ZBTB20: variants seen among roughly 807,000 people sequenced by gnomAD.
ZBTB20 encodes the protein zinc finger and BTB domain-containing protein 20.
Under a neutral mutation model 56.9 loss-of-function variants are expected in ZBTB20, and 9 were observed. The ratio of observed to expected loss-of-function variants is 0.16; its 90% CI spans 0.10 to 0.28. The LOEUF (loss-of-function observed/expected upper bound fraction) is 0.28. Ranked by LOEUF, ZBTB20 falls within the 10% of genes least tolerant of loss-of-function variation. The probability of loss-of-function intolerance (pLI) is 1.00; values close to 1 mark genes in which losing one functional copy is unlikely to be tolerated. For synonymous variants in ZBTB20, 417 were observed against 420.7 expected (o/e 0.99, Z 0.11); for missense variants, 655 against 1,003.0 (o/e 0.65, Z 4.69).
intron 6 of ZBTB20, among the ~76,000 whole-genome samples, chr3:114,583,284 A>C (rs2054841286): frequency 6.6e-6 from 1 of 152,238 alleles, no homozygotes. Context: ...AAACAGAGAA[A>C]TGAAACAAAA....
intron 5 of ZBTB20, among the ~76,000 whole-genome samples, chr3:114,715,845 C>T (rs1310489642): frequency 6.6e-6 from 1 of 152,122 alleles, no homozygotes; most frequent in African/African-American, 2.4e-5. Flanking sequence ...GAAACAAATG[C>T]TAAACAAAGC....
intron 6 of ZBTB20, among the ~76,000 whole-genome samples, chr3:114,592,412 G>A (rs757596188): frequency 1.8e-4 from 28 of 152,254 alleles, no homozygotes; most frequent in Non-Finnish European, 3.2e-4. Context: ...AGGATATTTC[G>A]TGGAATAAAA....
At position 114,983,967 on chromosome 3, in the gene ZBTB20, T is replaced by C. The variant is rs533566319; in HGVS notation, c.-506-9551A>G. On this transcript the variant is annotated intron_variant, in intron 2 of 11. Coordinates refer to ENST00000675478, the MANE Select transcript of ZBTB20 (RefSeq NM_001348800.3). ...GAAACGATTTCCTTTGCTATATTAT[T>C]GCCCAGTTGACGTTCTTATCCAAAG... Among the ~76,000 whole-genome samples the C allele has an allele frequency of 1.1e-4, 16 of 152,114 alleles. No individual in the cohort carries two copies. The South Asian group carries it at 1.2e-3, about 12-fold the overall frequency.
chr3:115,091,457 A>G (rs2083190123), intron 1 of ZBTB20, among the ~76,000 whole-genome samples: 1 of 152,058 alleles, frequency 6.6e-6, no homozygotes, highest in African/African-American at 2.4e-5. Context: ...TTTGTTGTAA[A>G]GCTAGAATTA....
At chr3:114,535,991 C>A (rs559190106) in intron 6 of ZBTB20, among the ~76,000 whole-genome samples, 7 of 152,150 alleles carry the variant, frequency 4.6e-5, no homozygotes, top group Admixed American at 2.0e-4. Flanking sequence ...ATTGATGGAA[C>A]GTATCTCAAA....
chr3:114,385,002 G>A (rs138740614), intron 8 of ZBTB20, among the ~76,000 whole-genome samples: 41 of 152,306 alleles, frequency 2.7e-4, no homozygotes, highest in African/African-American at 9.6e-4. Flanking sequence ...TCTCCAGGGT[G>A]TTGAGAGTGC....
intron 7 of ZBTB20, among the ~76,000 whole-genome samples, chr3:114,392,021 GAACT>G (rs2085921706): frequency 6.6e-6 from 1 of 152,130 alleles, no homozygotes; most frequent in South Asian, 2.1e-4. Flanking sequence ...TCAACAAACC[GAACT>G]AATAAATATG....
chr3:115,078,200 T>C (rs2082662778), intron 1 of ZBTB20, among the ~76,000 whole-genome samples: 2 of 152,222 alleles, frequency 1.3e-5, no homozygotes, highest in African/African-American at 4.8e-5. Context: ...CTAATCTTGT[T>C]ATTTGTATAT....
chr3:114,962,224 T>C (rs1234863010), intron 3 of ZBTB20, among the ~76,000 whole-genome samples: 1 of 152,160 alleles, frequency 6.6e-6, no homozygotes, highest in Non-Finnish European at 1.5e-5. Flanking sequence ...TTTAGCATGA[T>C]AGCACTAAAA....
At chr3:114,418,900 G>GT (rs2088853311) in intron 7 of ZBTB20, among the ~76,000 whole-genome samples, 1 of 152,078 alleles carries the variant, frequency 6.6e-6, no homozygotes, top group African/African-American at 2.4e-5. Flanking sequence ...TGGATGAAAT[G>GT]TAAGACCTAC....
intron 6 of ZBTB20, among the ~76,000 whole-genome samples, chr3:114,595,499 G>A (rs1327174195): frequency 1.3e-5 from 2 of 152,190 alleles, no homozygotes; most frequent in Non-Finnish European, 2.9e-5. Flanking sequence ...GTACTCAAAT[G>A]TTAGAGACCT....
intron 7 of ZBTB20, among the ~76,000 whole-genome samples, chr3:114,497,409 T>C (rs2043407262): frequency 6.6e-6 from 1 of 152,180 alleles, no homozygotes; most frequent in Non-Finnish European, 1.5e-5. Context: ...CATACTACTC[T>C]TTCAACCACC....
At chr3:114,375,147 C>T (rs992092067) in intron 10 of ZBTB20, among the ~76,000 whole-genome samples, 3 of 152,166 alleles carry the variant, frequency 2.0e-5, no homozygotes, top group Non-Finnish European at 4.4e-5. Flanking sequence ...ACGGATAGCA[C>T]GAGGTTCTTC....
intron 5 of ZBTB20, among the ~76,000 whole-genome samples, chr3:114,748,280 TTC>T (rs1491445862): frequency 5.9e-5 from 2 of 33,906 alleles, no homozygotes; most frequent in South Asian, 1.1e-3. Flanking sequence ...TTGTTGTAGC[TTC>T]TTTCTTTCTT....
intron 6 of ZBTB20, among the ~76,000 whole-genome samples, chr3:114,562,234 G>A (rs1448488279): frequency 5.3e-5 from 8 of 149,934 alleles, no homozygotes; most frequent in Non-Finnish European, 1.5e-5. Context: ...GTGCCATCTC[G>A]GCTCACTGCA....
At chr3:114,709,027 T>C (rs528549601) in intron 5 of ZBTB20, among the ~76,000 whole-genome samples, 1 of 152,272 alleles carries the variant, frequency 6.6e-6, no homozygotes, top group East Asian at 1.9e-4. Context: ...TTTATAGATG[T>C]ATGTGTTGCA....
intron 7 of ZBTB20, among the ~76,000 whole-genome samples, chr3:114,396,842 A>G (rs771644943): frequency 2.5e-4 from 38 of 152,160 alleles, no homozygotes; most frequent in Non-Finnish European, 4.7e-4. Context: ...AAAACTCATT[A>G]ACACTTCTTT....
At chr3:114,435,813 A>G (rs937851084) in intron 7 of ZBTB20, among the ~76,000 whole-genome samples, 1 of 152,216 alleles carries the variant, frequency 6.6e-6, no homozygotes, top group Non-Finnish European at 1.5e-5. Context: ...TTAGCTAAAA[A>G]TCTCCTATTC....
intron 5 of ZBTB20, among the ~76,000 whole-genome samples, chr3:114,787,332 TATATA>T (rs1202286687): frequency 0.02 from 158 of 7,982 alleles, 1 homozygote; most frequent in Admixed American, 0.029. Flanking sequence ...CTTAAAAGGT[TATATA>T]TATATATATA....
Sources: gnomAD v4.1 joint callset for allele counts (sites outside exome capture counted in the v4.1 genomes callset) on GRCh38, gnomAD v4.1.1 for gene constraint, MANE v1.5 for transcripts, NCBI Gene and HGNC (gene_info 2026-07-23, HGNC 2026-07-21) for gene names.